HDHD5: variants seen among roughly 807,000 people sequenced by gnomAD.
HDHD5 encodes the protein haloacid dehalogenase like hydrolase domain containing 5.
HDHD5 carries 34 observed loss-of-function variants against 35.5 expected under a neutral mutation model. The ratio of observed to expected loss-of-function variants is 0.96; its 90% CI spans 0.73 to 1.28. HDHD5 has a LOEUF of 1.28. Ranked by LOEUF, HDHD5 falls within the 50% of genes most tolerant of loss-of-function variation. The probability of loss-of-function intolerance (pLI) is 0.00; values close to 1 mark genes in which losing one functional copy is unlikely to be tolerated. For synonymous variants in HDHD5, 248 were observed against 240.6 expected (o/e 1.03, Z -0.29); for missense variants, 589 against 560.2 (o/e 1.05, Z -0.52).
intron 3 of HDHD5, among the ~76,000 whole-genome samples, chr22:17,146,324 C>T (rs1414500363): frequency 1.3e-5 from 2 of 150,284 alleles, no homozygotes; most frequent in Non-Finnish European, 3.0e-5. Flanking sequence ...AGCTTACCGG[C>T]CTTCAATCAC....
upstream of HDHD5, among the ~76,000 whole-genome samples, chr22:17,163,584 C>T (rs530732872): frequency 4.8e-4 from 73 of 152,288 alleles, 1 homozygote; most frequent in South Asian, 9.1e-3. Flanking sequence ...CCTATATGAC[C>T]ACAGTTCTGT....
At chr22:17,163,703 C>T (rs2061876263), upstream of HDHD5, among the ~76,000 whole-genome samples, 1 of 152,208 alleles carries the variant, frequency 6.6e-6, no homozygotes, top group Non-Finnish European at 1.5e-5. Flanking sequence ...GTGGCCCAAA[C>T]CCCATAAAAC....
At chr22:17,152,042 T>C (rs2061732439) in intron 1 of HDHD5, among the ~76,000 whole-genome samples, 1 of 152,088 alleles carries the variant, frequency 6.6e-6, no homozygotes, top group Non-Finnish European at 1.5e-5. Context: ...CCTGCCTGCC[T>C]ACCTGGTTCA....
chr22:17,159,307 G>A, upstream of HDHD5: 1 of 1,032,598 alleles, frequency 9.7e-7, no homozygotes, highest in Non-Finnish European at 1.2e-6. Context: ...CCGCGAGTCC[G>A]TCCGCTGCAC....
chr22:17,147,805 C>A lies in HDHD5; in HGVS notation c.443+643G>T, dbSNP rs540829675. Among the ~76,000 whole-genome samples the A allele has an allele frequency of 4.6e-5, 7 of 150,718 alleles. No homozygotes were observed. In the East Asian group the frequency reaches 5.9e-4, roughly 13 times the overall value. On this transcript the variant is annotated intron_variant, in intron 3 of 7. Transcript: ENST00000336737. ...CTGTGACGCCCTCCTGTGAGCTTAC[C>A]GGCCTTCGATCACACGCCATCGCAC...
intron 1 of HDHD5, among the ~76,000 whole-genome samples, chr22:17,156,907 G>A (rs1331249054): frequency 8.6e-5 from 13 of 151,142 alleles, no homozygotes; most frequent in Admixed American, 3.3e-4. Context: ...GTGAAACCCC[G>A]TCTCTACTAA....
chr22:17,163,241 C>T (rs5748919), upstream of HDHD5, among the ~76,000 whole-genome samples: 59,181 of 151,896 alleles, frequency 0.39, 12,070 homozygotes, highest in East Asian at 0.62. Context: ...GCTTGGATTA[C>T]ACTATATTTG....
chr22:17,147,392 C>A (rs35178380), intron 3 of HDHD5, among the ~76,000 whole-genome samples: 1 of 124,918 alleles, frequency 8.0e-6, no homozygotes, highest in Non-Finnish European at 1.7e-5. Flanking sequence ...CGATCACATG[C>A]CATCGCACAC....
At chr22:17,156,154 T>C (rs1290217438) in intron 1 of HDHD5, among the ~76,000 whole-genome samples, 1 of 150,978 alleles carries the variant, frequency 6.6e-6, no homozygotes, top group African/African-American at 2.4e-5. Context: ...GAAAGCACTG[T>C]TATCGCAGAT....
intron 3 of HDHD5, among the ~76,000 whole-genome samples, chr22:17,146,337 G>A (rs2061662037): frequency 6.6e-6 from 1 of 150,526 alleles, no homozygotes; most frequent in East Asian, 2.0e-4. Context: ...TCAATCACAT[G>A]CCATCGCACA....
At position 17,148,572 on chromosome 22, in the gene HDHD5, G is replaced by C. The variant is rs766496273; in HGVS notation, c.331-12C>G. The C allele has an allele frequency of 2.5e-6, 4 of 1,588,218 alleles. No individual in the cohort carries two copies. The East Asian group carries it at 6.7e-5, about 27-fold the overall frequency. Reference sequence around the variant, plus strand: ...TGGTCTGCATCCACCTGTAGGGACAGCCAAGACAGGGGAGGGCAGAGGAAG... The same window carrying C: ...TGGTCTGCATCCACCTGTAGGGACACCCAAGACAGGGGAGGGCAGAGGAAG... On this transcript the variant is annotated splice_polypyrimidine_tract_variant and intron_variant, in intron 2 of 7. Coordinates refer to ENST00000336737, the MANE Select transcript of HDHD5 (RefSeq NM_033070.3).
chr22:17,165,154 C>T (rs1387913155), intron 1 of HDHD5: 2 of 752,534 alleles, frequency 2.7e-6, no homozygotes, highest in Non-Finnish European at 5.0e-6. Flanking sequence ...AATGGGACTT[C>T]TGTTAATAAT....
chr22:17,159,375 G>A (rs1195963642), upstream of HDHD5: 4 of 1,125,478 alleles, frequency 3.6e-6, no homozygotes, highest in Admixed American at 2.5e-5. Context: ...GTAAGCGCGC[G>A]GAGCCCGTCG....
chr22:17,137,679 C>CATTAAAAA lies in HDHD5; in HGVS notation c.*341_*342insTTTTTAAT. 3.8e-6 allele frequency: 1 copy of CATTAAAAA among 263,840 alleles called. No individual in the cohort carries two copies. The highest frequency in any genetic ancestry group is 7.2e-6 in the Non-Finnish European group (1 of 138,554). The allele number at this position is 263,840 out of a possible 1,614,324, so 16.3% of individuals were successfully genotyped here. A position where few individuals can be genotyped will look rare whatever the true frequency, so the allele number is the denominator to read the frequency against. On this transcript the variant is annotated 3_prime_UTR_variant, in exon 8 of 8. Coordinates refer to ENST00000336737, the MANE Select transcript of HDHD5 (RefSeq NM_033070.3). ...GCCGGCAAAGGCTCTGCACAGACAT[C>CATTAAAAA]CACAGTATTCCACACTGCCTCCCCC...
At position 17,138,351 on chromosome 22, in the gene HDHD5, G is replaced by A. The variant is rs540428342; in HGVS notation, c.942C>T (p.Asn314=). Residue 314 remains asparagine, a synonymous_variant, in exon 8 of 8, where the codon AAC becomes AAT. Transcript: ENST00000336737. ...TGGCGCCGTATACGTCAGACATAGG[G>A]TTATCACTGGCAGGGGCAGCCACAC... ...PIRKLYAVGD[N]PMSDVYGANL... 7.5e-6 allele frequency: 12 copies of A among 1,606,126 alleles called. No individual in the cohort carries two copies. Among genetic ancestry groups the A allele is most frequent in the Non-Finnish European group, 1.0e-5 (12 of 1,175,962 alleles).
At chr22:17,165,018 T>C (rs1467625782) in intron 1 of HDHD5, among the ~76,000 whole-genome samples, 4 of 152,154 alleles carry the variant, frequency 2.6e-5, no homozygotes, top group African/African-American at 7.2e-5. Context: ...CTCTCTCTCT[T>C]TCTATCTCTC....
At chr22:17,150,384 T>C (rs1409199807) in intron 1 of HDHD5, among the ~76,000 whole-genome samples, 1 of 152,226 alleles carries the variant, frequency 6.6e-6, no homozygotes, top group Non-Finnish European at 1.5e-5. Flanking sequence ...ACTTACTTAG[T>C]CCTATTCCTG....
chr22:17,142,862 C>G (rs1412494902), intron 5 of HDHD5: 1 of 487,084 alleles, frequency 2.1e-6, no homozygotes, highest in Non-Finnish European at 3.6e-6. Flanking sequence ...TGTCTTTCCA[C>G]CACTAAAATT....
At chr22:17,152,427 G>A (rs532088264) in intron 1 of HDHD5, among the ~76,000 whole-genome samples, 23 of 152,270 alleles carry the variant, frequency 1.5e-4, no homozygotes, top group African/African-American at 5.5e-4. Flanking sequence ...CAGATACAGG[G>A]GTGGAGGGAA....
Sources: allele counts gnomAD v4.1 joint callset (sites outside exome capture counted in the v4.1 genomes callset), GRCh38; gene constraint gnomAD v4.1.1; transcripts MANE v1.5; gene names NCBI Gene and HGNC (gene_info 2026-07-23, HGNC 2026-07-21).